Variants in GRID2 observed in about 807,000 individuals in gnomAD.
GRID2 encodes the protein glutamate ionotropic receptor delta type subunit 2.
Under a neutral mutation model 114.8 loss-of-function variants are expected in GRID2, and 33 were observed. That is an observed-to-expected ratio of 0.29 (90% CI 0.22 to 0.38). GRID2 has a LOEUF of 0.38. GRID2 is among the 10% of genes least tolerant of loss of function. The pLI is 1.00. For synonymous variants in GRID2, 505 were observed against 449.9 expected (o/e 1.12, Z -1.55); for missense variants, 1,184 against 1,257.7 (o/e 0.94, Z 0.89).
chr4:92,555,882 G>T (rs1726825852), intron 1 of GRID2, among the ~76,000 whole-genome samples: 2 of 152,092 alleles, frequency 1.3e-5, no homozygotes. Context: ...GTTAGAGGCT[G>T]CCTCAGTGAG....
At chr4:92,314,710 A>G (rs372703036) in intron 1 of GRID2, among the ~76,000 whole-genome samples, 152 of 152,280 alleles carry the variant, frequency 1.0e-3, no homozygotes, top group African/African-American at 3.5e-3. Flanking sequence ...TATATGAAGC[A>G]TAAATGAACT....
At chr4:93,588,691 G>C (rs1170115942) in intron 13 of GRID2, among the ~76,000 whole-genome samples, 1 of 152,212 alleles carries the variant, frequency 6.6e-6, no homozygotes, top group African/African-American at 2.4e-5. Context: ...GCCTACAGCA[G>C]ATGGGTAAAC....
Position 93,115,556 on chromosome 4 carries a change from T to A in GRID2, c.735+4603T>A, listed in dbSNP as rs114060871. ...TTCCTAATAATATCTAATGGTTATA[T>A]AATATTCCCTTGGTAAATGTATTAG... On this transcript the variant is annotated intron_variant, in intron 4 of 15. Transcript: ENST00000282020. Among the ~76,000 whole-genome samples the A allele has an allele frequency of 6.6e-3, 1,006 of 152,284 alleles. 14 individuals are homozygous for A. The highest frequency in any genetic ancestry group is 0.023 in the African/African-American group (944 of 41,568).
chr4:93,601,121 G>C (rs1448829444), intron 13 of GRID2, among the ~76,000 whole-genome samples: 3 of 152,188 alleles, frequency 2.0e-5, no homozygotes, highest in Non-Finnish European at 2.9e-5. Flanking sequence ...TTGAATTTGA[G>C]ACTCAAAATC....
At chr4:93,401,427 T>G (rs992508508) in intron 9 of GRID2, among the ~76,000 whole-genome samples, 1 of 152,170 alleles carries the variant, frequency 6.6e-6, no homozygotes, top group African/African-American at 2.4e-5. Flanking sequence ...CATGTTTGTC[T>G]TTATTAGTGA....
At chr4:92,971,486 CA>C (rs1753515771) in intron 2 of GRID2, among the ~76,000 whole-genome samples, 2 of 151,872 alleles carry the variant, frequency 1.3e-5, no homozygotes, top group Non-Finnish European at 2.9e-5. Flanking sequence ...GTGTAATGAT[CA>C]AATCAGAGTA....
chr4:93,036,835 T>A (rs756625863), intron 2 of GRID2, among the ~76,000 whole-genome samples: 9 of 152,050 alleles, frequency 5.9e-5, no homozygotes, highest in Non-Finnish European at 1.0e-4. Flanking sequence ...AAATAGCGAA[T>A]TTTTTTTATT....
chr4:92,353,542 A>T (rs945052633), intron 1 of GRID2, among the ~76,000 whole-genome samples: 3 of 151,954 alleles, frequency 2.0e-5, no homozygotes, highest in Admixed American at 6.6e-5. Flanking sequence ...TTTCCAAACT[A>T]TTTTTGCAGA....
chr4:93,572,556 A>G (rs1003254827), intron 13 of GRID2, among the ~76,000 whole-genome samples: 3 of 152,156 alleles, frequency 2.0e-5, no homozygotes, highest in Admixed American at 2.0e-4. Flanking sequence ...TAAAATAATA[A>G]TGAGCTTGTC....
rs560501254 is a variant in GRID2 at position 93,514,865 on chromosome 4, A to G, written c.1998-351A>G. On this transcript the variant is annotated intron_variant, in intron 12 of 15. Transcript: ENST00000282020. ...TGATAACATATTGAAAGTTTTTTAAATTACTAAATTAGCATGTGATTATCT... is the reference window on the plus strand; with the variant it reads ...TGATAACATATTGAAAGTTTTTTAAGTTACTAAATTAGCATGTGATTATCT... Among the ~76,000 whole-genome samples, 42 of 152,316 alleles carry G rather than the reference A, an allele frequency of 2.8e-4. No individual in the cohort carries two copies. The South Asian group carries it at 8.5e-3, about 31-fold the overall frequency.
chr4:92,790,002 A>T (rs1361238951), intron 2 of GRID2, among the ~76,000 whole-genome samples: 1 of 151,810 alleles, frequency 6.6e-6, no homozygotes, highest in Non-Finnish European at 1.5e-5. Context: ...GGGACTCCTC[A>T]ATTTCTGGTG....
At chr4:92,719,356 G>A (rs1348792739) in intron 2 of GRID2, among the ~76,000 whole-genome samples, 1 of 152,072 alleles carries the variant, frequency 6.6e-6, no homozygotes, top group Non-Finnish European at 1.5e-5. Context: ...ATAACCATAT[G>A]TTTATAGAAA....
At chr4:92,448,267 C>A (rs569702085) in intron 1 of GRID2, among the ~76,000 whole-genome samples, 2 of 152,026 alleles carry the variant, frequency 1.3e-5, no homozygotes, top group Non-Finnish European at 2.9e-5. Flanking sequence ...CTCTACCTCT[C>A]GGGTTCAAGT....
intron 4 of GRID2, among the ~76,000 whole-genome samples, chr4:93,203,002 A>T (rs911950942): frequency 6.6e-6 from 1 of 152,072 alleles, no homozygotes; most frequent in Admixed American, 6.6e-5. Context: ...TGTATAATAC[A>T]CTACTCATTT....
At chr4:92,306,863 A>G (rs10012379) in intron 1 of GRID2, among the ~76,000 whole-genome samples, 26,513 of 152,170 alleles carry the variant, frequency 0.17, 3,265 homozygotes, top group African/African-American at 0.36. Flanking sequence ...TATCCTACTA[A>G]CAGATATAGT....
intron 2 of GRID2, among the ~76,000 whole-genome samples, chr4:92,783,116 ATATGT>A (rs1408477393): frequency 1.3e-5 from 2 of 152,104 alleles, no homozygotes; most frequent in South Asian, 2.1e-4. Flanking sequence ...ATAGCTTGAG[ATATGT>A]TATGCTTATA....
chr4:92,468,906 G>A (rs778813707), intron 1 of GRID2, among the ~76,000 whole-genome samples: 2 of 152,112 alleles, frequency 1.3e-5, no homozygotes, highest in African/African-American at 2.4e-5. Flanking sequence ...ATGGAGGCCC[G>A]AAGAGAGGTA....
At chr4:93,286,710 T>G (rs1397315507) in intron 8 of GRID2, among the ~76,000 whole-genome samples, 1 of 144,528 alleles carries the variant, frequency 6.9e-6, no homozygotes, top group Non-Finnish European at 1.5e-5. Context: ...TGTGTGTGTG[T>G]GTGTGTGTGT....
At chr4:92,403,562 C>T (rs776568905) in intron 1 of GRID2, among the ~76,000 whole-genome samples, 17 of 151,696 alleles carry the variant, frequency 1.1e-4, no homozygotes, top group East Asian at 1.9e-4. Flanking sequence ...CGTGGTGGTG[C>T]GCAACTGTAA....
Sources: allele counts gnomAD v4.1 joint callset (sites outside exome capture counted in the v4.1 genomes callset), GRCh38; gene constraint gnomAD v4.1.1; transcripts MANE v1.5; gene names NCBI Gene and HGNC (gene_info 2026-07-23, HGNC 2026-07-21).